TANC2: variants seen among roughly 807,000 people sequenced by gnomAD.
TANC2 encodes the protein tetratricopeptide repeat, ankyrin repeat and coiled-coil containing 2, also known as protein TANC2.
TANC2 carries 26 observed loss-of-function variants against 210.5 expected under a neutral mutation model. The observed-to-expected ratio is 0.12, with a 90% CI of 0.09 to 0.17. TANC2 has a LOEUF of 0.17. Among genes scored for constraint, TANC2 ranks in the 10% least tolerant of loss-of-function variants. The pLI is 1.00. For synonymous variants in TANC2, 931 were observed against 967.1 expected, an observed-to-expected ratio of 0.96 and a Z score of 0.69; for missense variants, 2,129 against 2,608.9, an observed-to-expected ratio of 0.82 and a Z score of 4.01.
At position 63,392,517 on chromosome 17, in the gene TANC2, G is replaced by C. The variant is rs896258921; in HGVS notation, c.3051+2973G>C. Among the ~76,000 whole-genome samples, 3 of 152,102 alleles carry C rather than the reference G, an allele frequency of 2.0e-5. No homozygotes were observed. In the South Asian group the frequency reaches 6.2e-4, roughly 32 times the overall value. ...AAAGAGCTTGAGAAGCTACTCCTTG[G>C]TCTCTACCCCAACTGCCACTATCCC... On this transcript the variant is annotated intron_variant, in intron 17 of 27. Transcript: ENST00000689528.
intron 1 of TANC2, among the ~76,000 whole-genome samples, chr17:62,973,154 T>G (rs989933256): frequency 6.6e-6 from 1 of 152,026 alleles, no homozygotes; most frequent in African/African-American, 2.4e-5. Context: ...CTCAGCCTCC[T>G]GAGTAGCTGG....
chr17:63,423,425 G>A (rs1211088163), exon 28 of TANC2: 1 of 152,224 alleles, frequency 6.6e-6, no homozygotes, highest in Non-Finnish European at 1.5e-5. Context: ...CCAAAGCCTC[G>A]GCACAGGCCT....
chr17:63,412,189 G>A lies in TANC2; in HGVS notation c.3898+59G>A. 4 of 1,611,046 alleles carry A rather than the reference G, an allele frequency of 2.5e-6. No individual in the cohort carries two copies. The highest frequency in any genetic ancestry group is 3.4e-6 in the Non-Finnish European group (4 of 1,178,170). ...GCCCAGGGGCCAGACTGGTCCAGTG[G>A]TCTGGCTGCCCTGGGTATTTGGTGT... is the stretch of plus-strand genomic sequence containing the variant. On this transcript the variant is annotated intron_variant, in intron 23 of 27. Transcript: ENST00000689528. The surrounding 1 kb of genome is among the most constrained non-coding windows in gnomAD (Gnocchi z 4.2).
chr17:63,350,730 G>A (rs1419854156), intron 12 of TANC2, among the ~76,000 whole-genome samples: 2 of 152,062 alleles, frequency 1.3e-5, no homozygotes, highest in African/African-American at 4.8e-5. Flanking sequence ...CCTTTTCTCT[G>A]TTACTCTGTC....
At chr17:63,061,317 A>C (rs2035988207) in intron 2 of TANC2, among the ~76,000 whole-genome samples, 1 of 151,582 alleles carries the variant, frequency 6.6e-6, no homozygotes, top group African/African-American at 2.4e-5. Context: ...CAGTGAGCCG[A>C]GATCACGCCA....
intron 4 of TANC2, among the ~76,000 whole-genome samples, chr17:63,103,233 A>G (rs2037697138): frequency 6.6e-6 from 1 of 152,172 alleles, no homozygotes; most frequent in Non-Finnish European, 1.5e-5. Context: ...GTTACTCTGT[A>G]ACCTTTATAC....
At chr17:63,093,714 G>T (rs1158923714) in intron 3 of TANC2, among the ~76,000 whole-genome samples, 1 of 152,114 alleles carries the variant, frequency 6.6e-6, no homozygotes, top group Non-Finnish European at 1.5e-5. Context: ...GGAGACAATT[G>T]ACATAGTGTT....
intron 8 of TANC2, among the ~76,000 whole-genome samples, chr17:63,264,248 G>C (rs1481114612): frequency 6.6e-6 from 1 of 152,154 alleles, no homozygotes; most frequent in Non-Finnish European, 1.5e-5. Context: ...CCAAAGTCAA[G>C]GGCAGGGAAG....
intron 19 of TANC2, among the ~76,000 whole-genome samples, chr17:63,401,383 A>G (rs991282916): frequency 1.3e-5 from 2 of 152,224 alleles, no homozygotes; most frequent in East Asian, 3.9e-4. Flanking sequence ...CTATGTAGCC[A>G]TTATTTTATG....
intron 9 of TANC2, among the ~76,000 whole-genome samples, chr17:63,310,195 C>T (rs1046946251): frequency 1.3e-5 from 2 of 152,098 alleles, no homozygotes; most frequent in African/African-American, 4.8e-5. Context: ...CACAGTAATC[C>T]CAGCACTTTG....
intron 7 of TANC2, among the ~76,000 whole-genome samples, chr17:63,209,366 T>C (rs2041818899): frequency 6.6e-6 from 1 of 151,894 alleles, no homozygotes; most frequent in South Asian, 2.1e-4. Context: ...CATTGAATTA[T>C]AGTGATGGAA....
intron 7 of TANC2, among the ~76,000 whole-genome samples, chr17:63,211,263 A>G (rs1393865706): frequency 6.6e-6 from 1 of 152,142 alleles, no homozygotes; most frequent in African/African-American, 2.4e-5. Flanking sequence ...ATTTGCCTGT[A>G]AGACTTATAG....
chr17:63,264,782 T>C (rs1398116047), intron 8 of TANC2, among the ~76,000 whole-genome samples: 1 of 152,096 alleles, frequency 6.6e-6, no homozygotes, highest in Non-Finnish European at 1.5e-5. Context: ...AGAGAGACCC[T>C]GTCTCTACAA....
At chr17:63,162,981 A>G (rs959457195) in intron 5 of TANC2, among the ~76,000 whole-genome samples, 1 of 152,018 alleles carries the variant, frequency 6.6e-6, no homozygotes, top group African/African-American at 2.4e-5. Flanking sequence ...CATTAGGTGA[A>G]GAATTGGACC....
chr17:63,026,139 C>A (rs2034545959), intron 2 of TANC2, among the ~76,000 whole-genome samples: 1 of 152,076 alleles, frequency 6.6e-6, no homozygotes, highest in Non-Finnish European at 1.5e-5. Flanking sequence ...ACTCTAACCC[C>A]TTCTTCATGT....
chr17:63,152,022 T>C (rs1433900360), intron 5 of TANC2: 1 of 152,228 alleles, frequency 6.6e-6, no homozygotes, highest in Non-Finnish European at 1.5e-5. Context: ...AATGCTTAGA[T>C]TCTTTCAAAC....
intron 9 of TANC2, among the ~76,000 whole-genome samples, chr17:63,286,334 A>G (rs1199133536): frequency 6.6e-6 from 1 of 152,098 alleles, no homozygotes; most frequent in Non-Finnish European, 1.5e-5. Context: ...AAAGGTCTTT[A>G]TTTTAATATG....
At chr17:62,998,475 T>A (rs1276625649) in intron 1 of TANC2, among the ~76,000 whole-genome samples, 1 of 152,024 alleles carries the variant, frequency 6.6e-6, no homozygotes, top group Non-Finnish European at 1.5e-5. Context: ...AAGGTTGAAC[T>A]GAAAGAAAAA....
intron 11 of TANC2, among the ~76,000 whole-genome samples, chr17:63,335,883 CTG>C (rs559473775): frequency 2.0e-5 from 3 of 151,894 alleles, no homozygotes; most frequent in Non-Finnish European, 4.4e-5. Flanking sequence ...AATAGAAAGT[CTG>C]TGTACTACTT....
Sources: allele counts gnomAD v4.1 joint callset (sites outside exome capture counted in the v4.1 genomes callset), GRCh38; gene constraint gnomAD v4.1.1; non-coding constraint Gnocchi (gnomAD v3.1); transcripts MANE v1.5; gene names NCBI Gene and HGNC (gene_info 2026-07-23, HGNC 2026-07-21).